Variants in SRP72 observed in about 807,000 individuals in gnomAD.
SRP72 encodes signal recognition particle subunit SRP72.
SRP72 carries 49 observed loss-of-function variants against 96.3 expected under a neutral mutation model. That is an observed-to-expected ratio of 0.51 (90% CI 0.40 to 0.65). The LOEUF (loss-of-function observed/expected upper bound fraction) is 0.65. Ranked by LOEUF, SRP72 falls within the 30% of genes least tolerant of loss-of-function variation. The pLI, the probability that SRP72 is intolerant of heterozygous loss-of-function variation, is 0.00. For missense variants in SRP72, 736 were observed against 793.3 expected (o/e 0.93, Z 0.87); for synonymous variants, 267 against 275.2 (o/e 0.97, Z 0.30).
chr4:56,479,054 G>A (rs1265529971), intron 8 of SRP72, among the ~76,000 whole-genome samples: 1 of 151,920 alleles, frequency 6.6e-6, no homozygotes, highest in Admixed American at 6.6e-5. Flanking sequence ...TTTTTAGGGG[G>A]TATGGACAGG....
At chr4:56,479,189 GT>G (rs200539467) in intron 8 of SRP72, among the ~76,000 whole-genome samples, 1 of 151,138 alleles carries the variant, frequency 6.6e-6, no homozygotes. Context: ...TTTTTGTTTT[GT>G]TTTTTTTGAG....
intron 17 of SRP72, among the ~76,000 whole-genome samples, chr4:56,498,039 T>C (rs1721137444): frequency 6.6e-6 from 1 of 152,192 alleles, no homozygotes; most frequent in Non-Finnish European, 1.5e-5. Context: ...ATATTAAGGA[T>C]TTTTTTCCAC....
intron 2 of SRP72, among the ~76,000 whole-genome samples, chr4:56,470,828 G>GTTT (rs569643683): frequency 6.9e-5 from 9 of 130,196 alleles, no homozygotes; most frequent in African/African-American, 8.5e-5. Flanking sequence ...TTGGATAAAA[G>GTTT]TTTTTTTTTT....
At chr4:56,493,282 C>T (rs757263269) in intron 16 of SRP72, among the ~76,000 whole-genome samples, 9 of 151,938 alleles carry the variant, frequency 5.9e-5, no homozygotes, top group Admixed American at 1.3e-4. Flanking sequence ...GTGATCCACC[C>T]GCCTCAGCCT....
At chr4:56,476,148 G>C (rs1294959583) in intron 5 of SRP72, 1 of 155,404 alleles carries the variant, frequency 6.4e-6, no homozygotes, top group Non-Finnish European at 1.4e-5. Flanking sequence ...CAGGTATGGT[G>C]GCTCACAGCT....
intron 3 of SRP72, among the ~76,000 whole-genome samples, chr4:56,472,864 C>G (rs1450371060): frequency 6.6e-6 from 1 of 152,092 alleles, no homozygotes; most frequent in Admixed American, 6.6e-5. Context: ...CTGTGTCATA[C>G]ATAATGGACT....
chr4:56,479,034 G>A lies in SRP72; in HGVS notation c.825+385G>A, dbSNP rs191609610. 9.9e-5 allele frequency among the ~76,000 whole-genome samples: 15 copies of A among 151,876 alleles called. No homozygotes were observed. The East Asian group carries it at 2.3e-3, about 23-fold the overall frequency. The stretch of plus-strand genomic sequence containing the variant: ...AGTGTTCTTTATATAATTTTCTCTC[G>A]GGTTTTCTTTTTTTAGGGGGTATGG... On this transcript the variant is annotated intron_variant, in intron 8 of 18. Transcript: ENST00000642900.
At chr4:56,486,789 A>G (rs1173836135) in intron 11 of SRP72, among the ~76,000 whole-genome samples, 1 of 152,116 alleles carries the variant, frequency 6.6e-6, no homozygotes, top group East Asian at 1.9e-4. Flanking sequence ...TTGGCCCTTC[A>G]TCCTTACTTC....
Position 56,502,468 on chromosome 4 carries a change from T to TATAG in SRP72, c.*610_*611insGATA, listed in dbSNP as rs1721293420. On this transcript the variant is annotated 3_prime_UTR_variant, in exon 19 of 19. Transcript: ENST00000642900. ...GAATATGGGATACTTTTCATGTTTA[T>TATAG]ATATATATATATATGTATATATATA... 1 of 137,920 alleles carries TATAG rather than the reference T, an allele frequency of 7.3e-6. No homozygotes were observed. Among genetic ancestry groups the TATAG allele is most frequent in the Non-Finnish European group, 1.5e-5 (1 of 64,638 alleles). The allele number at this position is 137,920 out of a possible 1,614,324, so 8.5% of individuals were successfully genotyped here.
At chr4:56,473,664 C>T (rs1720078603) in intron 3 of SRP72, among the ~76,000 whole-genome samples, 1 of 151,654 alleles carries the variant, frequency 6.6e-6, no homozygotes, top group Non-Finnish European at 1.5e-5. Flanking sequence ...ACTCGGGAGG[C>T]TGAGGCAGGA....
At chr4:56,480,328 C>T (rs1334713101) in intron 8 of SRP72, among the ~76,000 whole-genome samples, 5 of 152,158 alleles carry the variant, frequency 3.3e-5, no homozygotes, top group Non-Finnish European at 4.4e-5. Context: ...GGCACAATCT[C>T]GGCTTACTGC....
In SRP72 at chr4:56,490,593, C is replaced by T. The variant is rs1183277237; in HGVS notation, c.1450C>T (p.Leu484=). The change falls in exon 15 of 19, where the codon CTG becomes TTG. Residue 484 remains leucine, a synonymous_variant. Coordinates refer to ENST00000642900, the MANE Select transcript of SRP72 (RefSeq NM_006947.4). ...WKQNPKDIHT[L]AQLISAYSLV... ...ACAAAATCCAAAAGATATTCACACC[C>T]TGGCACAGCTTATTTCTGCTTACTC... The T allele has an allele frequency of 6.2e-7, 1 of 1,613,854 alleles. No individual in the cohort carries two copies. Among genetic ancestry groups the T allele is most frequent in the African/African-American group, 1.3e-5 (1 of 74,938 alleles).
intron 17 of SRP72, among the ~76,000 whole-genome samples, chr4:56,498,518 A>G (rs1178173856): frequency 6.6e-6 from 1 of 152,204 alleles, no homozygotes; most frequent in East Asian, 1.9e-4. Context: ...ATATTTAGAA[A>G]ACCCCATCGT....
intron 3 of SRP72, 45 bp downstream of exon 3, chr4:56,471,888 G>A: frequency 6.2e-7 from 1 of 1,606,674 alleles, no homozygotes. Flanking sequence ...TACTGAGTGA[G>A]CATGACTACC....
intron 5 of SRP72, chr4:56,476,289 CA>C (rs970874565): frequency 4.8e-5 from 10 of 210,054 alleles, no homozygotes; most frequent in Non-Finnish European, 8.4e-5. Context: ...ACTTTAAAAA[CA>C]AACAAAAAAA....
chr4:56,489,472 C>CA lies in SRP72; in HGVS notation c.1313dup (p.Asn438LysfsTer31), dbSNP rs1315449676. 1 of 1,574,946 alleles carries CA rather than the reference C, an allele frequency of 6.3e-7. No individual in the cohort carries two copies. Among genetic ancestry groups the CA allele is most frequent in the Non-Finnish European group, 8.7e-7 (1 of 1,150,722 alleles). ...CTTCACACAAGCTATCCAGTGGTAT[C>CA]AAAACCATCAGGTAAATAAATGGAG... On this transcript the variant is annotated frameshift_variant, in exon 13 of 19. Coordinates refer to ENST00000642900, the MANE Select transcript of SRP72 (RefSeq NM_006947.4). LOFTEE classifies it high-confidence loss of function.
chr4:56,497,244 G>A (rs562778062), intron 17 of SRP72, among the ~76,000 whole-genome samples: 67 of 141,360 alleles, frequency 4.7e-4, no homozygotes, highest in African/African-American at 1.7e-3. Context: ...TTTTGAGACC[G>A]CGTCTTGCTC....
intron 6 of SRP72, 84 bp downstream of exon 6, chr4:56,476,786 C>G: frequency 2.8e-6 from 4 of 1,424,672 alleles, no homozygotes; most frequent in Non-Finnish European, 3.9e-6. Context: ...TATTTATTGA[C>G]TTTTTTTAGA....
At chr4:56,470,226 A>G (rs983452009) in intron 2 of SRP72, among the ~76,000 whole-genome samples, 3 of 152,236 alleles carry the variant, frequency 2.0e-5, no homozygotes, top group Admixed American at 6.5e-5. Flanking sequence ...AGGAGGATAT[A>G]AAAATTTATA....
Sources: gnomAD v4.1 joint callset for allele counts (sites outside exome capture counted in the v4.1 genomes callset) on GRCh38, gnomAD v4.1.1 for gene constraint, MANE v1.5 for transcripts, NCBI Gene and HGNC (gene_info 2026-07-23, HGNC 2026-07-21) for gene names.